The following PTPRD variants were observed in gnomAD, a reference collection of about 807,000 sequenced individuals.
PTPRD encodes receptor-type tyrosine-protein phosphatase delta.
PTPRD carries 34 observed loss-of-function variants against 214.5 expected under a neutral mutation model. The observed-to-expected ratio is 0.16, with a 90% CI of 0.12 to 0.21. PTPRD has a LOEUF of 0.21. Ranked by LOEUF, PTPRD falls within the 10% of genes least tolerant of loss-of-function variation. The probability of loss-of-function intolerance (pLI) is 1.00; values close to 1 mark genes in which losing one functional copy is unlikely to be tolerated. For synonymous variants in PTPRD, 1,128 were observed against 845.7 expected (o/e 1.33, Z -5.79); for missense variants, 2,545 against 2,398.7 (o/e 1.06, Z -1.27).
intron 14 of PTPRD, among the ~76,000 whole-genome samples, chr9:8,624,620 T>C (rs887828513): frequency 6.6e-6 from 1 of 151,832 alleles, no homozygotes; most frequent in African/African-American, 2.4e-5. Flanking sequence ...TGCCAGATGA[T>C]TTAATATGTC....
chr9:8,858,999 GA>G (rs2098033846), intron 11 of PTPRD, among the ~76,000 whole-genome samples: 1 of 152,160 alleles, frequency 6.6e-6, no homozygotes, highest in Non-Finnish European at 1.5e-5. Flanking sequence ...CGCAAAGGAG[GA>G]AAAAATGCTG....
chr9:10,080,651 G>A (rs1247100726), intron 3 of PTPRD, among the ~76,000 whole-genome samples: 1 of 152,002 alleles, frequency 6.6e-6, no homozygotes, highest in Non-Finnish European at 1.5e-5. Context: ...AATATAAAAT[G>A]CTAGATAAAA....
At chr9:8,595,188 T>TTA (rs1554862317) in intron 14 of PTPRD, among the ~76,000 whole-genome samples, 3 of 149,766 alleles carry the variant, frequency 2.0e-5, no homozygotes, top group African/African-American at 7.5e-5. Context: ...TTTTTTTTTT[T>TTA]ATGGCAAATT....
chr9:8,782,955 T>A (rs559998712), intron 11 of PTPRD, among the ~76,000 whole-genome samples: 1 of 152,072 alleles, frequency 6.6e-6, no homozygotes, highest in Non-Finnish European at 1.5e-5. Context: ...TCCAAATAGG[T>A]AAGCAGTGAT....
At chr9:9,785,809 A>G (rs539477746) in intron 5 of PTPRD, among the ~76,000 whole-genome samples, 7 of 152,246 alleles carry the variant, frequency 4.6e-5, no homozygotes, top group Admixed American at 2.6e-4. Context: ...AGTTGTTAAC[A>G]TTAGGGGAAG....
intron 21 of PTPRD, among the ~76,000 whole-genome samples, chr9:8,513,992 A>C (rs1279041064): frequency 3.3e-5 from 5 of 152,126 alleles, no homozygotes; most frequent in Non-Finnish European, 7.4e-5. Flanking sequence ...ACAGAGTGGG[A>C]ATAACTATTC....
Position 9,276,619 on chromosome 9 carries a change from G to C in PTPRD, c.-202-93256C>G, listed in dbSNP as rs147723607. On this transcript the variant is annotated intron_variant, in intron 9 of 45. Transcript: ENST00000381196. ...AGAGCACATGCTGGCAATTTACTTG[G>C]ATCTCAGCTTCATCTTTCTTCTTTT... Among the ~76,000 whole-genome samples the C allele has an allele frequency of 6.2e-3, 936 of 151,338 alleles. 6 individuals carry two copies. Among genetic ancestry groups the C allele is most frequent in the Admixed American group, 0.01 (157 of 15,124 alleles).
chr9:9,034,579 T>A (rs984518494), intron 10 of PTPRD, among the ~76,000 whole-genome samples: 1 of 152,172 alleles, frequency 6.6e-6, no homozygotes, highest in African/African-American at 2.4e-5. Flanking sequence ...CATAATTCTA[T>A]AAGATAAAGA....
intron 8 of PTPRD, among the ~76,000 whole-genome samples, chr9:9,514,475 C>T (rs989787149): frequency 6.6e-6 from 1 of 151,986 alleles, no homozygotes; most frequent in Non-Finnish European, 1.5e-5. Flanking sequence ...TTACATTGTT[C>T]CTTAGGAAGT....
intron 5 of PTPRD, among the ~76,000 whole-genome samples, chr9:9,835,824 C>A (rs1490079937): frequency 6.6e-6 from 1 of 152,062 alleles, no homozygotes; most frequent in Non-Finnish European, 1.5e-5. Flanking sequence ...CTTAGTGCCA[C>A]CCTCCTGCCA....
At chr9:9,388,217 G>A (rs940441872) in intron 9 of PTPRD, among the ~76,000 whole-genome samples, 1 of 152,072 alleles carries the variant, frequency 6.6e-6, no homozygotes, top group African/African-American at 2.4e-5. Context: ...TACCTTGCTA[G>A]GGTCTTGGGT....
chr9:10,062,932 G>A (rs1029976635), intron 3 of PTPRD, among the ~76,000 whole-genome samples: 3 of 152,030 alleles, frequency 2.0e-5, no homozygotes, highest in Admixed American at 6.6e-5. Flanking sequence ...TGAGAGAGAT[G>A]AAATAGTTTG....
intron 5 of PTPRD, among the ~76,000 whole-genome samples, chr9:9,909,988 C>T (rs1258002424): frequency 6.6e-6 from 1 of 151,862 alleles, no homozygotes; most frequent in African/African-American, 2.4e-5. Flanking sequence ...GAGAAAAGTT[C>T]TAATTCCTTG....
intron 8 of PTPRD, among the ~76,000 whole-genome samples, chr9:9,474,640 T>C (rs868329113): frequency 3.9e-5 from 6 of 151,918 alleles, no homozygotes; most frequent in South Asian, 2.1e-4. Flanking sequence ...GTGATTTTCA[T>C]TGTAGACATA....
chr9:9,995,943 A>G (rs2096107122), intron 4 of PTPRD, among the ~76,000 whole-genome samples: 1 of 152,020 alleles, frequency 6.6e-6, no homozygotes, highest in South Asian at 2.1e-4. Context: ...AAAACAATCC[A>G]TTTATTTCTA....
chr9:10,226,398 G>T (rs886680897), intron 3 of PTPRD, among the ~76,000 whole-genome samples: 8 of 151,956 alleles, frequency 5.3e-5, no homozygotes, highest in Non-Finnish European at 1.0e-4. Flanking sequence ...CCAGGTGGAG[G>T]GTGACAACAG....
chr9:8,561,962 T>C (rs916959305), intron 14 of PTPRD, among the ~76,000 whole-genome samples: 2 of 152,168 alleles, frequency 1.3e-5, no homozygotes, highest in African/African-American at 4.8e-5. Flanking sequence ...ATGTTACTTA[T>C]AGTCCTACTA....
At chr9:9,462,934 C>T (rs2093794524) in intron 8 of PTPRD, among the ~76,000 whole-genome samples, 1 of 152,118 alleles carries the variant, frequency 6.6e-6, no homozygotes, top group Non-Finnish European at 1.5e-5. Flanking sequence ...TTCTTTGTCA[C>T]CGATTGTATA....
chr9:9,504,585 T>A (rs1277511554), intron 8 of PTPRD, among the ~76,000 whole-genome samples: 1 of 151,638 alleles, frequency 6.6e-6, no homozygotes, highest in Non-Finnish European at 1.5e-5. Flanking sequence ...CCCTCTAAGA[T>A]GAGATACAAG....
Sources: allele counts gnomAD v4.1 joint callset (sites outside exome capture counted in the v4.1 genomes callset), GRCh38; gene constraint gnomAD v4.1.1; transcripts MANE v1.5; gene names NCBI Gene and HGNC (gene_info 2026-07-23, HGNC 2026-07-21).